Variants in LRRC4C observed in about 807,000 individuals in gnomAD.
LRRC4C encodes the protein leucine-rich repeat-containing protein 4C.
Under a neutral mutation model 33.6 loss-of-function variants are expected in LRRC4C, and 5 were observed. The ratio of observed to expected loss-of-function variants is 0.15; its 90% confidence interval spans 0.08 to 0.31. LRRC4C has a LOEUF of 0.31. Among genes scored for constraint, LRRC4C ranks in the 10% least tolerant of loss-of-function variants. The pLI, the probability that LRRC4C is intolerant of heterozygous loss-of-function variation, is 1.00. For synonymous variants in LRRC4C, 329 were observed against 302.0 expected, an observed-to-expected ratio of 1.09 and a Z score of -0.93; for missense variants, 560 against 796.7, an observed-to-expected ratio of 0.70 and a Z score of 3.58.
chr11:41,266,632 T>C (rs933933009), intron 1 of LRRC4C, among the ~76,000 whole-genome samples: 2 of 152,138 alleles, frequency 1.3e-5, no homozygotes, highest in African/African-American at 2.4e-5. Flanking sequence ...TTTCATAATT[T>C]TTCCTAGAGA....
chr11:40,297,344 A>G (rs1041278337), intron 4 of LRRC4C, among the ~76,000 whole-genome samples: 4 of 152,212 alleles, frequency 2.6e-5, no homozygotes, highest in Admixed American at 6.5e-5. Flanking sequence ...TAATCGTATC[A>G]AGCTTGCCTG....
chr11:40,184,152 T>C (rs1346309458), intron 5 of LRRC4C, among the ~76,000 whole-genome samples: 1 of 152,122 alleles, frequency 6.6e-6, no homozygotes, highest in Non-Finnish European at 1.5e-5. Context: ...ATGACTGTTG[T>C]CCACTCAAAG....
At chr11:41,199,672 C>T (rs1265687588) in intron 1 of LRRC4C, among the ~76,000 whole-genome samples, 2 of 152,062 alleles carry the variant, frequency 1.3e-5, no homozygotes, top group African/African-American at 4.8e-5. Context: ...GAATGCATCT[C>T]CTCCCACCTA....
rs868123764 is a variant in LRRC4C at position 40,408,204 on chromosome 11, G to A, written c.-269-88483C>T. Among the ~76,000 whole-genome samples the A allele has an allele frequency of 2.6e-5, 4 of 151,996 alleles. No individual in the cohort carries two copies. In the South Asian group the frequency reaches 8.3e-4, roughly 31 times the overall value. On this transcript the variant is annotated intron_variant, in intron 3 of 6. Transcript: ENST00000528697. Reference sequence around the variant, plus strand: ...TTCTAGAAGTCCGAAACTATACTCTGAAATCCTTTGTTGAATTTCCCCTCA... The same window carrying A: ...TTCTAGAAGTCCGAAACTATACTCTAAAATCCTTTGTTGAATTTCCCCTCA...
chr11:41,131,294 A>T (rs895220381), intron 1 of LRRC4C, among the ~76,000 whole-genome samples: 43 of 152,010 alleles, frequency 2.8e-4, no homozygotes, highest in African/African-American at 1.0e-3. Context: ...TCTAACCTTT[A>T]CTTCTGTCTT....
At chr11:40,730,495 A>C (rs1338172724) in intron 2 of LRRC4C, among the ~76,000 whole-genome samples, 2 of 152,170 alleles carry the variant, frequency 1.3e-5, no homozygotes, top group Non-Finnish European at 2.9e-5. Context: ...AAGACCTATA[A>C]ACCAGCTTTC....
chr11:41,300,934 G>T (rs1253048503), intron 1 of LRRC4C, among the ~76,000 whole-genome samples: 1 of 152,138 alleles, frequency 6.6e-6, no homozygotes, highest in Non-Finnish European at 1.5e-5. Context: ...AGGCCTGGGA[G>T]GAAGAGGAAT....
chr11:40,768,687 T>G (rs775336725), intron 2 of LRRC4C, among the ~76,000 whole-genome samples: 1 of 152,104 alleles, frequency 6.6e-6, no homozygotes, highest in African/African-American at 2.4e-5. Flanking sequence ...ATTCATCATA[T>G]GCAAATCAAT....
intron 3 of LRRC4C, among the ~76,000 whole-genome samples, chr11:40,335,733 T>A (rs1946567611): frequency 6.6e-6 from 1 of 152,238 alleles, no homozygotes; most frequent in Non-Finnish European, 1.5e-5. Context: ...GAGAATGGAT[T>A]CGTCTAACTT....
chr11:40,940,559 C>G (rs771980025), intron 1 of LRRC4C, among the ~76,000 whole-genome samples: 22 of 152,252 alleles, frequency 1.4e-4, no homozygotes, highest in Middle Eastern at 6.8e-3. Flanking sequence ...CTATTTTTAA[C>G]CATCATCTTT....
intron 2 of LRRC4C, among the ~76,000 whole-genome samples, chr11:40,845,643 C>T (rs893596028): frequency 6.6e-6 from 1 of 152,028 alleles, no homozygotes; most frequent in African/African-American, 2.4e-5. Flanking sequence ...ATAAACATAC[C>T]TGTGCATGTG....
chr11:40,769,466 A>G (rs1417401712), intron 2 of LRRC4C, among the ~76,000 whole-genome samples: 1 of 152,162 alleles, frequency 6.6e-6, no homozygotes, highest in Non-Finnish European at 1.5e-5. Context: ...CTTCAGAGAA[A>G]TAGAAAAAAA....
intron 5 of LRRC4C, among the ~76,000 whole-genome samples, chr11:40,194,887 GA>G (rs1272571688): frequency 1.3e-5 from 2 of 151,870 alleles, no homozygotes; most frequent in African/African-American, 4.8e-5. Flanking sequence ...AGGAGATCCA[GA>G]CCATCCTGGC....
intron 1 of LRRC4C, among the ~76,000 whole-genome samples, chr11:40,950,703 G>T (rs1267749893): frequency 6.6e-6 from 1 of 151,912 alleles, no homozygotes; most frequent in Non-Finnish European, 1.5e-5. Context: ...ATACTTAATT[G>T]TGTCTTAATT....
chr11:40,289,628 C>A (rs776743632), intron 4 of LRRC4C, among the ~76,000 whole-genome samples: 1 of 152,146 alleles, frequency 6.6e-6, no homozygotes, highest in Non-Finnish European at 1.5e-5. Flanking sequence ...TTGAAAAGTA[C>A]ATGAACAAAT....
chr11:40,726,390 G>C (rs150195409), intron 2 of LRRC4C, among the ~76,000 whole-genome samples: 67 of 152,204 alleles, frequency 4.4e-4, no homozygotes, highest in African/African-American at 1.6e-3. Context: ...GATCATAGAT[G>C]GCAAAAGTTC....
rs1006874324 is a variant in LRRC4C, at chr11:40,847,140, CT to C, written c.-407+86494del. On this transcript the variant is annotated intron_variant, in intron 2 of 6. Coordinates refer to ENST00000528697, the MANE Select transcript of LRRC4C (RefSeq NM_001258419.2). Reference sequence around the variant, plus strand: ...TCTTCCTATTTGAATACCTTTCTTTCTTTTTCTTACCTGATTGCCCTGGCCA... The same window carrying C: ...TCTTCCTATTTGAATACCTTTCTTTCTTTTCTTACCTGATTGCCCTGGCCA... Among the ~76,000 whole-genome samples, 89 of 152,010 alleles carry C rather than the reference CT, an allele frequency of 5.9e-4. 1 individual carries two copies. Among genetic ancestry groups the C allele is most frequent in the African/African-American group, 2.1e-3 (86 of 41,448 alleles).
chr11:41,081,836 T>C (rs1182020511), intron 1 of LRRC4C, among the ~76,000 whole-genome samples: 1 of 152,156 alleles, frequency 6.6e-6, no homozygotes, highest in South Asian at 2.1e-4. Flanking sequence ...GAATGTGTCA[T>C]TATAATTCAG....
intron 1 of LRRC4C, among the ~76,000 whole-genome samples, chr11:41,391,605 A>G (rs1323130078): frequency 6.6e-6 from 1 of 151,916 alleles, no homozygotes; most frequent in African/African-American, 2.4e-5. Flanking sequence ...CATCATTTCC[A>G]ATGCTATAAT....
Sources: allele counts gnomAD v4.1 joint callset (sites outside exome capture counted in the v4.1 genomes callset), GRCh38; gene constraint gnomAD v4.1.1; transcripts MANE v1.5; gene names NCBI Gene and HGNC (gene_info 2026-07-23, HGNC 2026-07-21).